Variants in SUFU observed in about 807,000 individuals in gnomAD.
The protein encoded by SUFU is suppressor of fused homolog.
A neutral mutation model predicts 58.9 loss-of-function variants in SUFU; 7 were observed. That is an observed-to-expected ratio of 0.12 (90% CI 0.07 to 0.22). The LOEUF is 0.22. Ranked by LOEUF, SUFU falls within the 10% of genes least tolerant of loss-of-function variation. The probability of loss-of-function intolerance (pLI) is 1.00; values close to 1 mark genes in which losing one functional copy is unlikely to be tolerated. For missense variants in SUFU, 451 were observed against 641.3 expected, an observed-to-expected ratio of 0.70 and a Z score of 3.20; for synonymous variants, 232 against 254.8, an observed-to-expected ratio of 0.91 and a Z score of 0.85.
In SUFU at chr10:102,629,113, G is replaced by A. The variant is rs1163445958; in HGVS notation, c.1366-953G>A. Among the ~76,000 whole-genome samples, 2 of 152,174 alleles carry A rather than the reference G, an allele frequency of 1.3e-5. No homozygotes were observed. The highest frequency in any genetic ancestry group is 6.5e-5 in the Admixed American group (1 of 15,278). ...AAAAGTTGCAGTGAGCCGAGATCGC[G>A]CCATTGCACTCCAGCCTGGGCAACA... On this transcript the variant is annotated intron_variant, in intron 11 of 11. Coordinates refer to ENST00000369902, the MANE Select transcript of SUFU (RefSeq NM_016169.4). The surrounding 1 kb of genome is among the most constrained non-coding windows in gnomAD (Gnocchi z 4.7).
chr10:102,612,796 T>C (rs879584125), intron 8 of SUFU, among the ~76,000 whole-genome samples: 39 of 152,332 alleles, frequency 2.6e-4, no homozygotes, highest in Non-Finnish European at 3.2e-4. Context: ...CTCTGAGCCC[T>C]TCGGCTCGTC....
intron 2 of SUFU, among the ~76,000 whole-genome samples, chr10:102,522,874 C>G (rs2062566849): frequency 6.6e-6 from 1 of 152,194 alleles, no homozygotes; most frequent in African/African-American, 2.4e-5. Flanking sequence ...GGTCCTGGTC[C>G]TCATTGGGCT....
chr10:102,593,856 C>T (rs921596252), intron 5 of SUFU, 135 bp downstream of exon 5: 8 of 1,366,296 alleles, frequency 5.9e-6, no homozygotes, highest in African/African-American at 4.3e-5. Flanking sequence ...TTCCTGACGA[C>T]TCACTCCCTG....
At chr10:102,621,333 G>A (rs1276572173) in intron 10 of SUFU, among the ~76,000 whole-genome samples, 2 of 152,196 alleles carry the variant, frequency 1.3e-5, no homozygotes. Context: ...CAATGCGCCT[G>A]GGGAAGTACC....
At chr10:102,588,954 ACT>A (rs2063365054) in intron 3 of SUFU, among the ~76,000 whole-genome samples, 1 of 151,672 alleles carries the variant, frequency 6.6e-6, no homozygotes, top group Non-Finnish European at 1.5e-5. Flanking sequence ...ACACAGTCTC[ACT>A]CTGTTGCCCA....
chr10:102,506,343 T>G (rs1255186480), intron 1 of SUFU, among the ~76,000 whole-genome samples: 1 of 151,964 alleles, frequency 6.6e-6, no homozygotes, highest in African/African-American at 2.4e-5. Context: ...CCTTCCTAGA[T>G]GCAGAAAAGT....
In SUFU at chr10:102,593,777, C is replaced by A. The variant is rs1322315657; in HGVS notation, c.683+56C>A. On this transcript the variant is annotated intron_variant, in intron 5 of 11. Coordinates refer to ENST00000369902, the MANE Select transcript of SUFU (RefSeq NM_016169.4). ...TCCCTGGGCCTGGGGGTGGGAGTCC[C>A]TCCACTACCCTCCATGTGGGGCTCC... is the stretch of plus-strand genomic sequence containing the variant. 69 of 1,545,344 alleles carry A rather than the reference C, an allele frequency of 4.5e-5. 2 individuals carry two copies. In the South Asian group the frequency reaches 7.4e-4, roughly 17 times the overall value.
chr10:102,583,234 G>A (rs1216646932), intron 3 of SUFU, among the ~76,000 whole-genome samples: 1 of 152,184 alleles, frequency 6.6e-6, no homozygotes, highest in East Asian at 1.9e-4. Context: ...ACCATTTCTT[G>A]TCCACAGAAG....
At chr10:102,545,293 A>ATTTTTTTTT (rs1162195255) in intron 2 of SUFU, among the ~76,000 whole-genome samples, 122 of 106,036 alleles carry the variant, frequency 1.2e-3, no homozygotes, top group Non-Finnish European at 1.5e-3. Context: ...TAATTTTTGT[A>ATTTTTTTTT]TTTTTTTTTT....
intron 10 of SUFU, among the ~76,000 whole-genome samples, chr10:102,624,264 GTTACTC>G (rs2063767453): frequency 6.6e-6 from 1 of 152,214 alleles, no homozygotes; most frequent in South Asian, 2.1e-4. Context: ...GGGCAAGTCT[GTTACTC>G]GGGAGAGCTC....
chr10:102,568,945 T>TACAC (rs1564685843), intron 3 of SUFU, among the ~76,000 whole-genome samples: 8 of 74,646 alleles, frequency 1.1e-4, no homozygotes, highest in African/African-American at 1.5e-4. Context: ...TATATATATA[T>TACAC]ATATATATAT....
At position 102,619,548 on chromosome 10, in the gene SUFU, C is replaced by T; in HGVS notation, c.1296+2120C>T. 1 of 1,067,140 alleles carries T rather than the reference C, an allele frequency of 9.4e-7. No individual in the cohort carries two copies. Among genetic ancestry groups the T allele is most frequent in the Non-Finnish European group, 1.1e-6 (1 of 873,468 alleles). The allele number at this position is 1,067,140 out of a possible 1,614,324, so 66.1% of individuals were successfully genotyped here. ...AGCTCCTGGGAAGGCTGGCGGAGGCCCCACACCCCAAGCACCCACCCTTGA... is the reference window on the plus strand; with the variant it reads ...AGCTCCTGGGAAGGCTGGCGGAGGCTCCACACCCCAAGCACCCACCCTTGA... On this transcript the variant is annotated intron_variant, in intron 10 of 11. Coordinates refer to ENST00000369902, the MANE Select transcript of SUFU (RefSeq NM_016169.4). The surrounding 1 kb of genome is among the most constrained non-coding windows in gnomAD (Gnocchi z 4.2).
intron 2 of SUFU, among the ~76,000 whole-genome samples, chr10:102,539,935 T>C (rs1055582294): frequency 6.6e-6 from 1 of 152,218 alleles, no homozygotes; most frequent in African/African-American, 2.4e-5. Context: ...TGTGGACTCA[T>C]AGATTTTTAT....
Position 102,553,517 on chromosome 10 carries a change from G to C in SUFU, c.454+3411G>C, listed in dbSNP as rs1033836881. ...CTCGCTCTATTGCCCAGGCTGGAGT[G>C]CAGTGGTGTGATCTTGGCTCACTGC... On this transcript the variant is annotated intron_variant, in intron 3 of 11. Transcript: ENST00000369902. Among the ~76,000 whole-genome samples, 4 of 151,194 alleles carry C rather than the reference G, an allele frequency of 2.6e-5. No homozygotes were observed. In the East Asian group the frequency reaches 7.8e-4, roughly 29 times the overall value.
chr10:102,506,624 C>T (rs1207132639), intron 1 of SUFU, among the ~76,000 whole-genome samples: 2 of 152,314 alleles, frequency 1.3e-5, no homozygotes, highest in East Asian at 3.9e-4. Flanking sequence ...AGTGATCAAC[C>T]CACCTCGGCC....
chr10:102,592,136 A>G (rs900585980), intron 3 of SUFU, among the ~76,000 whole-genome samples: 18 of 152,186 alleles, frequency 1.2e-4, no homozygotes, highest in Non-Finnish European at 1.6e-4. Flanking sequence ...TCAGCAACAT[A>G]GGAATTTCGG....
chr10:102,592,219 A>G (rs913985250), intron 3 of SUFU, among the ~76,000 whole-genome samples: 2 of 152,176 alleles, frequency 1.3e-5, no homozygotes, highest in Admixed American at 1.3e-4. Flanking sequence ...GTGGCCCTAC[A>G]GAAAAGCACC....
chr10:102,571,795 G>T (rs929870837), intron 3 of SUFU, among the ~76,000 whole-genome samples: 1 of 152,166 alleles, frequency 6.6e-6, no homozygotes, highest in African/African-American at 2.4e-5. Flanking sequence ...GGCCTTGCAA[G>T]GCTACAATTA....
rs11191349 is a variant in SUFU, at chr10:102,604,785, A to G, written c.1022+5241A>G. On this transcript the variant is annotated intron_variant, in intron 8 of 11. Transcript: ENST00000369902. ...GCGGCCCCTGGTGCCCAGAGGAGTTAATAGTTGACTAGGAAATCCCCTAAC... is the reference window on the plus strand; with the variant it reads ...GCGGCCCCTGGTGCCCAGAGGAGTTGATAGTTGACTAGGAAATCCCCTAAC... 8.9e-3 allele frequency among the ~76,000 whole-genome samples: 1,361 copies of G among 152,222 alleles called. 11 individuals are homozygous for G. Among genetic ancestry groups the G allele is most frequent in the Non-Finnish European group, 0.015 (1,035 of 68,012 alleles).
Sources: gnomAD v4.1 joint callset for allele counts (sites outside exome capture counted in the v4.1 genomes callset) on GRCh38, gnomAD v4.1.1 for gene constraint, Gnocchi (gnomAD v3.1) non-coding constraint, MANE v1.5 for transcripts, NCBI Gene and HGNC (gene_info 2026-07-23, HGNC 2026-07-21) for gene names.